Variants in BMP6 observed in about 807,000 individuals in gnomAD.
BMP6 encodes the protein bone morphogenetic protein 6, also known as VG-1-R.
BMP6 carries 17 observed loss-of-function variants against 54.1 expected under a neutral mutation model. The observed-to-expected ratio is 0.31, with a 90% confidence interval of 0.22 to 0.47. The LOEUF is 0.47. BMP6 is among the 20% of genes least tolerant of loss of function. The pLI is 1.00. For synonymous variants in BMP6, 328 were observed against 291.2 expected, an observed-to-expected ratio of 1.13 and a Z score of -1.28; for missense variants, 720 against 690.4, an observed-to-expected ratio of 1.04 and a Z score of -0.48.
At chr6:7,833,420 C>A (rs1269384953) in intron 1 of BMP6, among the ~76,000 whole-genome samples, 2 of 152,090 alleles carry the variant, frequency 1.3e-5, no homozygotes, top group African/African-American at 4.8e-5. Flanking sequence ...GAGCTAGAGA[C>A]AGAGGGGCAG....
At chr6:7,813,082 T>G (rs1758457734) in intron 1 of BMP6, among the ~76,000 whole-genome samples, 1 of 11,780 alleles carries the variant, frequency 8.5e-5, no homozygotes, top group Non-Finnish European at 1.4e-4. Flanking sequence ...AAGCCCTGTC[T>G]CTACAAAAAA....
intron 1 of BMP6, among the ~76,000 whole-genome samples, chr6:7,795,407 G>A (rs1758177353): frequency 1.3e-5 from 2 of 152,106 alleles, no homozygotes; most frequent in South Asian, 4.2e-4. Context: ...CCAGGCTGAG[G>A]GGATGGAGGA....
At position 7,862,401 on chromosome 6, in the gene BMP6, C is replaced by T. The variant is rs755810484; in HGVS notation, c.1107C>T (p.His369=). Reference sequence around the variant, plus strand: ...CTTTCTTCAAAGTGAGTGAGGTGCACGTGCGCACCACCAGGTCAGCCTCCA... The same window carrying T: ...CTTTCTTCAAAGTGAGTGAGGTGCATGTGCGCACCACCAGGTCAGCCTCCA... The part of the protein sequence containing the change: ...MVAFFKVSEV[H]VRTTRSASSR... Residue 369 remains histidine (H), a synonymous_variant, in exon 4 of 7, where the codon CAC becomes CAT. Transcript: ENST00000283147. The T allele has an allele frequency of 1.2e-5, 20 of 1,614,086 alleles. No individual in the cohort carries two copies. The highest frequency in any genetic ancestry group is 8.0e-5 in the African/African-American group (6 of 74,938).
chr6:7,778,509 C>T (rs1757894964), intron 1 of BMP6, among the ~76,000 whole-genome samples: 1 of 152,216 alleles, frequency 6.6e-6, no homozygotes, highest in African/African-American at 2.4e-5. Flanking sequence ...CTCTTGGCCA[C>T]AAGAGGATTC....
intron 1 of BMP6, among the ~76,000 whole-genome samples, chr6:7,762,992 T>C (rs558208713): frequency 6.6e-6 from 1 of 152,354 alleles, no homozygotes; most frequent in South Asian, 2.1e-4. Context: ...CCATAAAACA[T>C]GGCCGTGCGG....
chr6:7,813,835 C>T (rs1189550941), intron 1 of BMP6, among the ~76,000 whole-genome samples: 1 of 152,100 alleles, frequency 6.6e-6, no homozygotes, highest in African/African-American at 2.4e-5. Flanking sequence ...CCCCCTCACC[C>T]CTACTGCCCC....
intron 1 of BMP6, among the ~76,000 whole-genome samples, chr6:7,841,563 G>C (rs957747015): frequency 6.6e-6 from 1 of 152,146 alleles, no homozygotes; most frequent in African/African-American, 2.4e-5. Context: ...GCAAAAGAGT[G>C]GGGGGAACGG....
rs1759710569 is a variant in BMP6, at chr6:7,880,898, T to C, written c.*555T>C. The stretch of plus-strand genomic sequence containing the variant: ...CCACGGGGCGCCCTTGTCTCAGTCA[T>C]TGCTGTTGTATGTTCGTGCTGGAGT... On this transcript the variant is annotated 3_prime_UTR_variant, in exon 7 of 7. Transcript: ENST00000283147. 1.3e-5 allele frequency: 2 copies of C among 155,552 alleles called. No individual in the cohort carries two copies. The highest frequency in any genetic ancestry group is 4.0e-4 in the South Asian group (2 of 5,058). The allele number at this position is 155,552 out of a possible 1,614,324, so 9.6% of individuals were successfully genotyped here.
chr6:7,856,635 C>T (rs1172514775), intron 2 of BMP6, among the ~76,000 whole-genome samples: 13 of 88,350 alleles, frequency 1.5e-4, no homozygotes, highest in Admixed American at 8.7e-4. Flanking sequence ...CTCGCTCTGT[C>T]GCCCAGGCTG....
intron 4 of BMP6, among the ~76,000 whole-genome samples, chr6:7,878,324 C>T (rs945920871): frequency 7.6e-4 from 116 of 152,184 alleles, no homozygotes; most frequent in African/African-American, 2.6e-3. Context: ...AGGCATGTCA[C>T]GTAAGAGTCG....
chr6:7,853,584 A>G (rs945192863), intron 2 of BMP6, among the ~76,000 whole-genome samples: 13 of 152,200 alleles, frequency 8.5e-5, no homozygotes, highest in African/African-American at 2.9e-4. Context: ...GAAAGCCAGG[A>G]TGGGAGAACA....
chr6:7,798,956 G>A (rs1368502556), intron 1 of BMP6, among the ~76,000 whole-genome samples: 1 of 152,094 alleles, frequency 6.6e-6, no homozygotes, highest in Admixed American at 6.5e-5. Context: ...TAGGGAGATT[G>A]GATCATCTCA....
intron 1 of BMP6, among the ~76,000 whole-genome samples, chr6:7,792,632 A>G (rs1758127409): frequency 6.6e-6 from 1 of 152,232 alleles, no homozygotes; most frequent in African/African-American, 2.4e-5. Context: ...AAGTGAATGA[A>G]TGAATGTTCT....
chr6:7,732,077 C>T (rs1197114564), intron 1 of BMP6, among the ~76,000 whole-genome samples: 1 of 152,144 alleles, frequency 6.6e-6, no homozygotes, highest in African/African-American at 2.4e-5. Context: ...GGAATACTCC[C>T]TACTTGTATT....
In BMP6 at chr6:7,727,531, T is replaced by G; in HGVS notation, c.576T>G (p.Ser192=). 6.3e-7 allele frequency: 1 copy of G among 1,595,680 alleles called. No homozygotes were observed. The highest frequency in any genetic ancestry group is 1.3e-5 in the African/African-American group (1 of 74,666). The change falls in exon 1 of 7, where the codon TCT becomes TCG. Residue 192 remains serine (S), a synonymous_variant. Transcript: ENST00000283147. The part of the protein sequence containing the change: ...LNRKSLLAPG[S]GSGGASPLTS... ...GCAAGAGCCTTCTGGCCCCCGGATC[T>G]GGCAGCGGCGGCGCGTCCCCACTGA...
chr6:7,792,000 G>C (rs1758116019), intron 1 of BMP6, among the ~76,000 whole-genome samples: 2 of 94,296 alleles, frequency 2.1e-5, no homozygotes, highest in African/African-American at 1.1e-4. Flanking sequence ...ATGGATGGAT[G>C]GATGGATGGA....
intron 1 of BMP6, among the ~76,000 whole-genome samples, chr6:7,809,433 G>A (rs1397988873): frequency 2.0e-5 from 3 of 152,200 alleles, no homozygotes; most frequent in Admixed American, 1.3e-4. Context: ...GTTCTAAACA[G>A]AAATGGAAGA....
intron 1 of BMP6, among the ~76,000 whole-genome samples, chr6:7,807,220 C>A (rs1758359612): frequency 6.6e-6 from 1 of 152,162 alleles, no homozygotes; most frequent in Admixed American, 6.5e-5. Flanking sequence ...CAAAGGGCAG[C>A]AGTTCTCAAA....
chr6:7,744,252 C>T (rs1220739100), intron 1 of BMP6, among the ~76,000 whole-genome samples: 11 of 151,980 alleles, frequency 7.2e-5, no homozygotes, highest in East Asian at 1.9e-4. Flanking sequence ...TTGGGGAGGC[C>T]GAGGGGGGCG....
Sources: allele counts gnomAD v4.1 joint callset (sites outside exome capture counted in the v4.1 genomes callset), GRCh38; gene constraint gnomAD v4.1.1; transcripts MANE v1.5; gene names NCBI Gene and HGNC (gene_info 2026-07-23, HGNC 2026-07-21).